The following UPP2 variants were observed in gnomAD, a reference collection of about 807,000 sequenced individuals.
UPP2 encodes the protein UPase 2.
A neutral mutation model predicts 26.7 loss-of-function variants in UPP2; 23 were observed. That is an observed-to-expected ratio of 0.86 (90% CI 0.62 to 1.22). The LOEUF is 1.22. Ranked by LOEUF, UPP2 falls within the 50% of genes most tolerant of loss-of-function variation. UPP2 has a pLI of 0.00. For missense variants in UPP2, 387 were observed against 396.7 expected, an observed-to-expected ratio of 0.98 and a Z score of 0.21; for synonymous variants, 127 against 141.3, an observed-to-expected ratio of 0.90 and a Z score of 0.72.
Position 158,108,399 on chromosome 2 carries a change from C to T in UPP2, c.180+2183C>T, listed in dbSNP as rs188996339. Among the ~76,000 whole-genome samples, 175 of 151,864 alleles carry T rather than the reference C, an allele frequency of 1.2e-3. 2 individuals carry two copies. The South Asian group carries it at 0.014, about 12-fold the overall frequency. On this transcript the variant is annotated intron_variant, in intron 2 of 6. Coordinates refer to ENST00000005756, the MANE Select transcript of UPP2 (RefSeq NM_173355.4). ...GCTGAGATTAAACCTTAGGTTTCTC[C>T]GATAAAAAAATAATGGCTCTTTCTC...
intron 2 of UPP2, among the ~76,000 whole-genome samples, chr2:157,999,953 G>A (rs976508193): frequency 6.6e-6 from 1 of 152,142 alleles, no homozygotes; most frequent in Non-Finnish European, 1.5e-5. Flanking sequence ...GGGAAGGAGG[G>A]AAGGAGAGAG....
chr2:158,065,351 T>G (rs762986218), intron 3 of UPP2, among the ~76,000 whole-genome samples: 1 of 152,236 alleles, frequency 6.6e-6, no homozygotes, highest in Non-Finnish European at 1.5e-5. Flanking sequence ...TGCCTCAGTA[T>G]TACTGGATTG....
chr2:158,113,563 G>A (rs1227673366), intron 2 of UPP2, among the ~76,000 whole-genome samples: 1 of 152,108 alleles, frequency 6.6e-6, no homozygotes, highest in East Asian at 1.9e-4. Flanking sequence ...CAGAGGGCGT[G>A]GATACAGGGT....
chr2:158,002,118 C>T (rs758459316), intron 2 of UPP2, among the ~76,000 whole-genome samples: 2 of 151,874 alleles, frequency 1.3e-5, no homozygotes, highest in South Asian at 4.2e-4. Context: ...AAAGTGCTTA[C>T]AGGGGAAGCC....
chr2:158,008,685 T>C (rs1683530571), intron 2 of UPP2, among the ~76,000 whole-genome samples: 1 of 152,250 alleles, frequency 6.6e-6, no homozygotes, highest in African/African-American at 2.4e-5. Context: ...ATCATTATTC[T>C]CTTTTCATTA....
At chr2:158,089,167 G>T (rs1306555714) in intron 3 of UPP2, among the ~76,000 whole-genome samples, 1 of 152,106 alleles carries the variant, frequency 6.6e-6, no homozygotes, top group Non-Finnish European at 1.5e-5. Context: ...TGGCTGCTGG[G>T]GGGATAGGGG....
At chr2:158,056,683 T>C (rs773149792) in intron 3 of UPP2, among the ~76,000 whole-genome samples, 4 of 152,308 alleles carry the variant, frequency 2.6e-5, no homozygotes, top group East Asian at 3.9e-4. Flanking sequence ...GCCTTCTCCA[T>C]GTATCTTCAC....
chr2:158,024,163 A>G (rs984615752), intron 3 of UPP2, among the ~76,000 whole-genome samples: 2 of 152,166 alleles, frequency 1.3e-5, no homozygotes, highest in African/African-American at 4.8e-5. Flanking sequence ...GAATGCGGAT[A>G]TAGGGATCCC....
intron 1 of UPP2, among the ~76,000 whole-genome samples, chr2:158,104,395 G>T (rs1173088546): frequency 6.6e-6 from 1 of 152,172 alleles, no homozygotes; most frequent in Non-Finnish European, 1.5e-5. Flanking sequence ...TGAAGCAGGG[G>T]TTCTCAACTT....
chr2:158,080,270 T>C (rs1030588057), intron 3 of UPP2, among the ~76,000 whole-genome samples: 1 of 152,174 alleles, frequency 6.6e-6, no homozygotes, highest in African/African-American at 2.4e-5. Context: ...TCCTGCATAG[T>C]AATTATTATT....
At chr2:158,132,913 T>G (rs1683849745) in intron 6 of UPP2, among the ~76,000 whole-genome samples, 1 of 152,192 alleles carries the variant, frequency 6.6e-6, no homozygotes, top group Non-Finnish European at 1.5e-5. Context: ...AACCCTTGAA[T>G]ACTGTTGATG....
intron 3 of UPP2, among the ~76,000 whole-genome samples, chr2:158,068,476 A>G (rs1682472539): frequency 6.6e-6 from 1 of 152,068 alleles, no homozygotes; most frequent in Non-Finnish European, 1.5e-5. Flanking sequence ...AATTCAAAGC[A>G]AATGTTTGAG....
At chr2:158,099,708 G>A (rs1045697513), upstream of UPP2, among the ~76,000 whole-genome samples, 1 of 152,190 alleles carries the variant, frequency 6.6e-6, no homozygotes, top group Non-Finnish European at 1.5e-5. Context: ...TCAAGACTGT[G>A]CTTTCTTTTT....
chr2:158,117,924 C>T lies in UPP2; in HGVS notation c.440C>T (p.Thr147Ile). ...CCDVTIIRIG[T>I]SGGIGIAPGT... ...GATGTCACCATTATTAGAATCGGTA[C>T]ATCAGGGGGAATAGGTGAGACGGAT... Residue 147 changes from threonine (T) to isoleucine (I), a missense_variant, in exon 4 of 7, where the codon ACA (threonine) becomes ATA (isoleucine). Transcript: ENST00000005756. 1 of 1,610,294 alleles carries T rather than the reference C, an allele frequency of 6.2e-7. No individual in the cohort carries two copies. Among genetic ancestry groups the T allele is most frequent in the Non-Finnish European group, 8.5e-7 (1 of 1,176,622 alleles).
chr2:158,106,334 TCA>T (rs2105214880), intron 2 of UPP2, 118 bp downstream of exon 2: 1 of 753,908 alleles, frequency 1.3e-6, no homozygotes, highest in East Asian at 2.8e-5. Context: ...GGAACTGAAG[TCA>T]CACTCATTCT....
intron 3 of UPP2, among the ~76,000 whole-genome samples, chr2:158,046,416 T>G (rs1487676513): frequency 6.6e-6 from 1 of 152,248 alleles, no homozygotes; most frequent in Non-Finnish European, 1.5e-5. Context: ...CATTATTTAT[T>G]ATTTCAAGGA....
intron 2 of UPP2, among the ~76,000 whole-genome samples, chr2:158,004,335 C>T (rs1435706630): frequency 6.6e-6 from 1 of 151,878 alleles, no homozygotes; most frequent in Non-Finnish European, 1.5e-5. Context: ...CTAATGGAAA[C>T]CTCCCGGTGA....
chr2:158,055,447 A>G (rs540690515), intron 3 of UPP2, among the ~76,000 whole-genome samples: 1 of 152,294 alleles, frequency 6.6e-6, no homozygotes, highest in African/African-American at 2.4e-5. Context: ...AAATCATAGC[A>G]GGTACCTCAC....
chr2:158,017,515 A>G (rs1683679533), intron 3 of UPP2, among the ~76,000 whole-genome samples: 1 of 152,192 alleles, frequency 6.6e-6, no homozygotes, highest in Non-Finnish European at 1.5e-5. Flanking sequence ...TTTTACCTCA[A>G]ATGGGCACAC....
Sources: allele counts gnomAD v4.1 joint callset (sites outside exome capture counted in the v4.1 genomes callset), GRCh38; gene constraint gnomAD v4.1.1; transcripts MANE v1.5; gene names NCBI Gene and HGNC (gene_info 2026-07-23, HGNC 2026-07-21).